The following VAT1L variants were observed in gnomAD, a reference collection of about 807,000 sequenced individuals.
VAT1L encodes putative NADPH-dependent quinone oxidoreductase VAT1L.
Under a neutral mutation model 44.1 loss-of-function variants are expected in VAT1L, and 34 were observed. The observed-to-expected ratio is 0.77, with a 90% CI of 0.59 to 1.03. VAT1L has a LOEUF of 1.03. Among genes scored for constraint, VAT1L ranks in the 50% least tolerant of loss-of-function variants. VAT1L has a pLI of 0.00. For synonymous variants in VAT1L, 253 were observed against 202.2 expected (o/e 1.25, Z -2.13); for missense variants, 615 against 538.8 (o/e 1.14, Z -1.40).
chr16:77,838,329 T>G (rs1213325169), intron 3 of VAT1L, among the ~76,000 whole-genome samples: 1 of 152,164 alleles, frequency 6.6e-6, no homozygotes, highest in African/African-American at 2.4e-5. Context: ...AAGGGAGGTG[T>G]GTAGCAAGAA....
intron 3 of VAT1L, among the ~76,000 whole-genome samples, chr16:77,839,589 G>A (rs550537671): frequency 6.6e-5 from 8 of 121,214 alleles, no homozygotes; most frequent in Non-Finnish European, 1.7e-5. Flanking sequence ...AAGAACATGA[G>A]ACCTGGGCAT....
At chr16:77,969,918 A>T (rs1362941783) in intron 7 of VAT1L, among the ~76,000 whole-genome samples, 1 of 151,980 alleles carries the variant, frequency 6.6e-6, no homozygotes, top group Non-Finnish European at 1.5e-5. Flanking sequence ...TGACACTATT[A>T]ATCAGAGATC....
chr16:77,926,443 G>T (rs866215539), intron 7 of VAT1L, among the ~76,000 whole-genome samples: 1 of 151,848 alleles, frequency 6.6e-6, no homozygotes, highest in African/African-American at 2.4e-5. Context: ...AGTTAGTAGG[G>T]TGTGGTGGCA....
At chr16:77,948,619 A>G (rs1051236512) in intron 7 of VAT1L, among the ~76,000 whole-genome samples, 1 of 152,192 alleles carries the variant, frequency 6.6e-6, no homozygotes, top group Non-Finnish European at 1.5e-5. Context: ...CCCGGTTTCC[A>G]CAATGATTAA....
At chr16:77,975,194 C>CTTTTTTTTTTTTTTTTTT (rs35017686) in intron 8 of VAT1L, among the ~76,000 whole-genome samples, 14 of 39,856 alleles carry the variant, frequency 3.5e-4, no homozygotes, top group South Asian at 1.2e-3. Context: ...GGAATGACCA[C>CTTTTTTTTTTTTTTTTTT]TTTTTTTTTT....
At chr16:77,955,479 C>T (rs2018092350) in intron 7 of VAT1L, among the ~76,000 whole-genome samples, 1 of 152,200 alleles carries the variant, frequency 6.6e-6, no homozygotes, top group African/African-American at 2.4e-5. Context: ...AATCCCAGCA[C>T]TTTGGGACGC....
chr16:77,888,494 T>C (rs1352535297), intron 7 of VAT1L, among the ~76,000 whole-genome samples: 1 of 152,210 alleles, frequency 6.6e-6, no homozygotes, highest in Non-Finnish European at 1.5e-5. Context: ...AATAGATGAA[T>C]GAATGACTGA....
At chr16:77,886,047 A>T (rs1196570573) in intron 7 of VAT1L, among the ~76,000 whole-genome samples, 1 of 152,212 alleles carries the variant, frequency 6.6e-6, no homozygotes, top group Non-Finnish European at 1.5e-5. Flanking sequence ...ACATAAGGAG[A>T]AAATAAACTG....
intron 7 of VAT1L, among the ~76,000 whole-genome samples, chr16:77,929,745 C>T (rs1457957819): frequency 6.6e-6 from 1 of 152,148 alleles, no homozygotes; most frequent in Non-Finnish European, 1.5e-5. Flanking sequence ...GAATTATCCC[C>T]ATTTTATATT....
At chr16:77,913,774 A>T (rs2017522807) in intron 7 of VAT1L, among the ~76,000 whole-genome samples, 1 of 152,240 alleles carries the variant, frequency 6.6e-6, no homozygotes, top group African/African-American at 2.4e-5. Context: ...AATATTGGAC[A>T]TCAGATATAA....
chr16:77,815,672 G>T (rs746448997), intron 1 of VAT1L, among the ~76,000 whole-genome samples: 4 of 151,982 alleles, frequency 2.6e-5, no homozygotes, highest in Non-Finnish European at 4.4e-5. Context: ...ATGTGCTTTA[G>T]AACTAGTTCA....
intron 7 of VAT1L, among the ~76,000 whole-genome samples, chr16:77,958,562 T>A (rs1476443357): frequency 6.6e-6 from 1 of 152,112 alleles, no homozygotes. Flanking sequence ...ACACAAACAC[T>A]GGAGGGAATT....
chr16:77,792,693 T>C (rs2015856115), intron 1 of VAT1L, among the ~76,000 whole-genome samples: 1 of 152,148 alleles, frequency 6.6e-6, no homozygotes, highest in Non-Finnish European at 1.5e-5. Context: ...TTCCAGCAGT[T>C]TGGGGATGGG....
At position 77,788,616 on chromosome 16, in the gene VAT1L, C is replaced by T. The variant is rs901158622; in HGVS notation, c.-67C>T. 1.5e-5 allele frequency: 23 copies of T among 1,515,236 alleles called. No homozygotes were observed. Among genetic ancestry groups the T allele is most frequent in the Admixed American group, 2.0e-5 (1 of 49,416 alleles). 93.9% of individuals were successfully genotyped at this position (1,515,236 alleles called of 1,614,324 possible). On this transcript the variant is annotated 5_prime_UTR_variant, in exon 1 of 9. Coordinates refer to ENST00000302536, the MANE Select transcript of VAT1L (RefSeq NM_020927.3). ...ACAGGAGGAACCCGCGGGAGAGGAG[C>T]CCCACTCCCCCAGCGCCGCAGCCAC...
At chr16:77,811,303 T>C (rs1171149956) in intron 1 of VAT1L, among the ~76,000 whole-genome samples, 1 of 152,248 alleles carries the variant, frequency 6.6e-6, no homozygotes, top group East Asian at 1.9e-4. Flanking sequence ...TGAGTCACTT[T>C]TAACCTCAAA....
intron 7 of VAT1L, among the ~76,000 whole-genome samples, chr16:77,891,795 G>A (rs531934666): frequency 7.7e-4 from 117 of 152,254 alleles, no homozygotes; most frequent in African/African-American, 2.6e-3. Context: ...AGATTAGGCC[G>A]GGCGCGGTGG....
At position 77,803,646 on chromosome 16, in the gene VAT1L, C is replaced by T. The variant is rs536952544; in HGVS notation, c.234-13275C>T. Among the ~76,000 whole-genome samples the T allele has an allele frequency of 3.6e-3, 551 of 152,124 alleles. 4 individuals carry two copies. Among genetic ancestry groups the T allele is most frequent in the African/African-American group, 0.013 (541 of 41,520 alleles). The stretch of plus-strand genomic sequence containing the variant: ...GTGTTAGCCAGGATGGTCTCGATTT[C>T]CTGACCTCGTGATCCGCCTGCCCGG... On this transcript the variant is annotated intron_variant, in intron 1 of 8. Transcript: ENST00000302536.
chr16:77,801,773 T>C (rs1597165177), intron 1 of VAT1L: 1 of 152,066 alleles, frequency 6.6e-6, no homozygotes. Flanking sequence ...CTTTCATTTA[T>C]CTACGCTACG....
At chr16:77,939,838 AT>A (rs1206079124) in intron 7 of VAT1L, among the ~76,000 whole-genome samples, 1 of 152,240 alleles carries the variant, frequency 6.6e-6, no homozygotes, top group Non-Finnish European at 1.5e-5. Context: ...AATTTAAAAC[AT>A]TTAGCAGGGC....
Sources: allele counts gnomAD v4.1 joint callset (sites outside exome capture counted in the v4.1 genomes callset), GRCh38; gene constraint gnomAD v4.1.1; transcripts MANE v1.5; gene names NCBI Gene and HGNC (gene_info 2026-07-23, HGNC 2026-07-21).